The following ACSL4 variants were observed in gnomAD, a reference collection of about 807,000 sequenced individuals.
ACSL4 encodes the protein long-chain-fatty-acid--CoA ligase 4.
In ACSL4, 9 loss-of-function variants were observed where a neutral mutation model predicts 49.1. That is an observed-to-expected ratio of 0.18 (90% CI 0.11 to 0.32). The LOEUF (loss-of-function observed/expected upper bound fraction) is 0.32. Ranked by LOEUF, ACSL4 falls within the 10% of genes least tolerant of loss-of-function variation. The pLI is 1.00. For missense variants in ACSL4, 333 were observed against 493.7 expected (o/e 0.67, Z 3.08); for synonymous variants, 191 against 170.3 (o/e 1.12, Z -0.95).
rs771345793 is a variant in ACSL4, at chrX:109,656,405, C to T, written c.1855+2949G>A. Among the ~76,000 whole-genome samples the T allele has an allele frequency of 2.7e-5, 3 of 110,489 alleles. No homozygotes were observed. In the South Asian group the frequency reaches 1.2e-3, roughly 43 times the overall value. On this transcript the variant is annotated intron_variant, in intron 15 of 15. Transcript: ENST00000672401. ...AATATTTTCATAATCATAACGGAAACCTGGGTGTAAAATGCAAATTGTACT... is the reference window on the plus strand; with the variant it reads ...AATATTTTCATAATCATAACGGAAATCTGGGTGTAAAATGCAAATTGTACT...
intron 1 of ACSL4, among the ~76,000 whole-genome samples, chrX:109,697,592 C>A (rs1925536791): frequency 9.2e-6 from 1 of 108,962 alleles, no homozygotes; most frequent in South Asian, 4.0e-4. Flanking sequence ...TGAGGGGTTA[C>A]CAGGGACAGT....
At chrX:109,732,774 GCAA>G in intron 1 of ACSL4, among the ~76,000 whole-genome samples, 1 of 111,509 alleles carries the variant, frequency 9.0e-6, no homozygotes, top group Non-Finnish European at 1.9e-5. Flanking sequence ...TGGAGGTCTA[GCAA>G]GCACTTCATG....
At chrX:109,685,869 A>G (rs1924570502) in intron 2 of ACSL4, among the ~76,000 whole-genome samples, 1 of 110,747 alleles carries the variant, frequency 9.0e-6, no homozygotes, top group African/African-American at 3.3e-5. Context: ...GATACACACA[A>G]TGTCAAGTGA....
intron 2 of ACSL4, among the ~76,000 whole-genome samples, chrX:109,689,138 C>T (rs1924843125): frequency 9.0e-6 from 1 of 111,256 alleles, no homozygotes; most frequent in South Asian, 3.8e-4. Flanking sequence ...TTAGATTCAC[C>T]CTTTTACCCC....
intron 1 of ACSL4, among the ~76,000 whole-genome samples, chrX:109,729,652 CAATA>C (rs980728960): frequency 3.6e-5 from 4 of 111,436 alleles, no homozygotes; most frequent in Non-Finnish European, 5.7e-5. Context: ...TCAAAATAGG[CAATA>C]AATAAATAAA....
intron 2 of ACSL4, among the ~76,000 whole-genome samples, chrX:109,694,100 T>C (rs1330425778): frequency 8.9e-6 from 1 of 112,285 alleles, no homozygotes; most frequent in Non-Finnish European, 1.9e-5. Context: ...AACACCTAAG[T>C]AGCTGAATTC....
chrX:109,644,049 G>A lies in ACSL4; in HGVS notation c.1993C>T (p.Arg665Ter). The A allele has an allele frequency of 8.3e-7, 1 of 1,211,145 alleles. No homozygotes were observed. The highest frequency in any genetic ancestry group is 1.1e-6 in the Non-Finnish European group (1 of 895,189). ...ACATTTTATTTGCCCCCATACATTC[G>A]TTCAATGTCTTTGAGGTAATGGTTC... ...LRNHYLKDIE[R>*]MYGGK The change falls in exon 16 of 16, where the codon CGA (arginine) becomes TGA (stop). Residue 665 changes from arginine (R) to a stop codon, truncating the protein, a stop_gained. Transcript: ENST00000672401. LOFTEE classifies it high-confidence loss of function.
chrX:109,707,661 C>CA (rs1425763792), intron 1 of ACSL4, among the ~76,000 whole-genome samples: 1 of 106,283 alleles, frequency 9.4e-6, no homozygotes, highest in African/African-American at 3.5e-5. Flanking sequence ...GAGATTCACA[C>CA]AAAAAAATAG....
At chrX:109,705,912 G>A (rs1028468716) in intron 1 of ACSL4, among the ~76,000 whole-genome samples, 1 of 112,441 alleles carries the variant, frequency 8.9e-6, no homozygotes, top group African/African-American at 3.2e-5. Context: ...GGTCAGGCTG[G>A]TCTCAAACTC....
rs768197619 is a variant in ACSL4, at chrX:109,726,975, C to T, written c.-66+6164G>A. Among the ~76,000 whole-genome samples, 14 of 111,147 alleles carry T rather than the reference C, an allele frequency of 1.3e-4. 3 individuals carry two copies. The South Asian group carries it at 1.5e-3, about 12-fold the overall frequency. ...CAAGCAATCTTCCCACCTTGGCCTC[C>T]CAAAGTGCTGGGATTATAGGCGTGA... On this transcript the variant is annotated intron_variant, in intron 1 of 15. Transcript: ENST00000672401.
intron 1 of ACSL4, among the ~76,000 whole-genome samples, chrX:109,718,947 T>C (rs1927337862): frequency 9.0e-6 from 1 of 111,229 alleles, no homozygotes; most frequent in Non-Finnish European, 1.9e-5. Context: ...CACCTCCACT[T>C]TTAAGCTGGC....
chrX:109,700,668 A>G (rs1031145264), intron 1 of ACSL4, among the ~76,000 whole-genome samples: 7 of 111,811 alleles, frequency 6.3e-5, no homozygotes, highest in Non-Finnish European at 1.1e-4. Context: ...ACAACTACCC[A>G]AAGTCTAGCC....
intron 1 of ACSL4, among the ~76,000 whole-genome samples, chrX:109,711,028 G>T (rs1027801083): frequency 8.9e-5 from 10 of 112,663 alleles, no homozygotes; most frequent in African/African-American, 3.2e-4. Context: ...AAAAATCAGA[G>T]AAAAGGATAT....
At chrX:109,649,257 G>A (rs992370847) in intron 15 of ACSL4, among the ~76,000 whole-genome samples, 37 of 111,514 alleles carry the variant, frequency 3.3e-4, no homozygotes, top group Non-Finnish European at 4.3e-4. Context: ...GGGGCATCAC[G>A]CTACCTGACT....
intron 15 of ACSL4, among the ~76,000 whole-genome samples, chrX:109,656,186 G>A (rs1026481371): frequency 1.4e-4 from 15 of 110,920 alleles, no homozygotes; most frequent in African/African-American, 4.6e-4. Flanking sequence ...GTATGTCTCC[G>A]AGAACAAAAA....
At chrX:109,650,228 A>G (rs1262588300) in intron 15 of ACSL4, among the ~76,000 whole-genome samples, 5 of 111,285 alleles carry the variant, frequency 4.5e-5, no homozygotes, top group Non-Finnish European at 9.4e-5. Flanking sequence ...AGATGCACAC[A>G]TATGTTTACT....
At chrX:109,686,557 G>A (rs1480028286) in intron 2 of ACSL4, among the ~76,000 whole-genome samples, 1 of 111,945 alleles carries the variant, frequency 8.9e-6, no homozygotes, top group East Asian at 2.8e-4. Flanking sequence ...ACCCTCAATT[G>A]AGAAATCTTC....
intron 14 of ACSL4, among the ~76,000 whole-genome samples, chrX:109,659,783 T>C (rs1922017685): frequency 1.8e-5 from 2 of 110,580 alleles, no homozygotes; most frequent in Non-Finnish European, 3.8e-5. Context: ...GACAGTCTCG[T>C]CAACAAATGG....
intron 1 of ACSL4, among the ~76,000 whole-genome samples, chrX:109,712,458 G>A (rs1926817605): frequency 8.9e-6 from 1 of 111,791 alleles, no homozygotes; most frequent in South Asian, 3.7e-4. Flanking sequence ...TAAGAACCAC[G>A]ACTTCATAAG....
Sources: gnomAD v4.1 joint callset for allele counts (sites outside exome capture counted in the v4.1 genomes callset) on GRCh38, gnomAD v4.1.1 for gene constraint, MANE v1.5 for transcripts, NCBI Gene and HGNC (gene_info 2026-07-23, HGNC 2026-07-21) for gene names.